Variants in TNKS observed in about 807,000 individuals in gnomAD.
The protein encoded by TNKS is poly [ADP-ribose] polymerase tankyrase-1.
TNKS carries 72 observed loss-of-function variants against 135.8 expected under a neutral mutation model. The observed-to-expected ratio is 0.53, with a 90% CI of 0.44 to 0.64. The LOEUF (loss-of-function observed/expected upper bound fraction) is 0.64. TNKS is among the 30% of genes least tolerant of loss of function. The pLI, the probability that TNKS is intolerant of heterozygous loss-of-function variation, is 0.00. For synonymous variants in TNKS, 849 were observed against 649.3 expected (o/e 1.31, Z -4.68); for missense variants, 1,769 against 1,674.0 (o/e 1.06, Z -0.99).
chr8:9,613,048 CAG>C (rs1164732379), intron 2 of TNKS, among the ~76,000 whole-genome samples: 1 of 152,022 alleles, frequency 6.6e-6, no homozygotes, highest in African/African-American at 2.4e-5. Context: ...CTTGCTGTCT[CAG>C]GGGTGGCAGA....
intron 1 of TNKS, chr8:9,557,726 C>T (rs1460531296): frequency 1.3e-5 from 2 of 152,114 alleles, no homozygotes; most frequent in African/African-American, 4.8e-5. Context: ...TATATCACTT[C>T]TTCAGTTTGT....
rs895115625 is a variant in TNKS at position 9,782,344 on chromosome 8, G to T, written c.*5608G>T. 2 of 152,604 alleles carry T rather than the reference G, an allele frequency of 1.3e-5. No individual in the cohort carries two copies. The highest frequency in any genetic ancestry group is 2.1e-4 in the South Asian group (1 of 4,832). 9.5% of individuals were successfully genotyped at this position (152,604 alleles called of 1,614,324 possible). ...AATATTCAATAAAACCATTTTTAAAGTACACTTGTGTGGATAGCAGTTAGC... is the reference window on the plus strand; with the variant it reads ...AATATTCAATAAAACCATTTTTAAATTACACTTGTGTGGATAGCAGTTAGC... On this transcript the variant is annotated 3_prime_UTR_variant, in exon 27 of 27. Coordinates refer to ENST00000310430, the MANE Select transcript of TNKS (RefSeq NM_003747.3).
intron 5 of TNKS, among the ~76,000 whole-genome samples, chr8:9,693,058 T>C (rs1338854020): frequency 2.6e-5 from 4 of 152,228 alleles, no homozygotes; most frequent in Admixed American, 2.0e-4. Context: ...ATTATGTGTT[T>C]ATTGTATTTT....
At position 9,691,810 on chromosome 8, in the gene TNKS, T is replaced by C. The variant is rs1376834322; in HGVS notation, c.1107+11010T>C. Among the ~76,000 whole-genome samples, 4 of 152,340 alleles carry C rather than the reference T, an allele frequency of 2.6e-5. No homozygotes were observed. The East Asian group carries it at 7.7e-4, about 29-fold the overall frequency. ...GTATATGCTATGTCATTTTATTTTA[T>C]TTAGTCATTGCTTATGTTTTCTATT... On this transcript the variant is annotated intron_variant, in intron 5 of 26. Coordinates refer to ENST00000310430, the MANE Select transcript of TNKS (RefSeq NM_003747.3).
intron 20 of TNKS, among the ~76,000 whole-genome samples, chr8:9,754,220 C>G (rs1455060539): frequency 6.6e-6 from 1 of 152,212 alleles, no homozygotes; most frequent in Non-Finnish European, 1.5e-5. Context: ...TGAGGGCCAC[C>G]ATTCAGCCCA....
At chr8:9,694,798 A>G (rs1467161365) in intron 5 of TNKS, among the ~76,000 whole-genome samples, 1 of 152,150 alleles carries the variant, frequency 6.6e-6, no homozygotes, top group Non-Finnish European at 1.5e-5. Flanking sequence ...CAAAGACAGA[A>G]CAAGAAGAAA....
intron 3 of TNKS, among the ~76,000 whole-genome samples, chr8:9,656,464 G>T (rs187962904): frequency 6.6e-6 from 1 of 152,104 alleles, no homozygotes; most frequent in Non-Finnish European, 1.5e-5. Context: ...TGAAATGAGG[G>T]AAAAAATGTT....
chr8:9,660,384 C>T (rs559075426), intron 3 of TNKS, among the ~76,000 whole-genome samples: 1 of 152,176 alleles, frequency 6.6e-6, no homozygotes, highest in Non-Finnish European at 1.5e-5. Flanking sequence ...AAAAGCTTAT[C>T]CACCATGATC....
At chr8:9,569,846 T>C (rs927685261) in intron 1 of TNKS, among the ~76,000 whole-genome samples, 1 of 152,168 alleles carries the variant, frequency 6.6e-6, no homozygotes, top group African/African-American at 2.4e-5. Context: ...TCATTGTGAA[T>C]ATTTTCCTGG....
chr8:9,742,390 C>A (rs939181101), intron 17 of TNKS, among the ~76,000 whole-genome samples: 5 of 150,644 alleles, frequency 3.3e-5, no homozygotes, highest in African/African-American at 1.2e-4. Flanking sequence ...GGGCAACCCA[C>A]TTCCCTCAGC....
At position 9,730,900 on chromosome 8, in the gene TNKS, GCTCTCAAAATGTGAATTGTAGAGA is replaced by G; in HGVS notation, c.2015_2038del (p.Ser672_Asp679del). On this transcript the variant is annotated inframe_deletion, in exon 14 of 27. Transcript: ENST00000310430. ...TGTGCACCACGAAAGCAACTTTGCA[GCTCTCAAAATGTGAATTGTAGAGA>G]CTTAGAGGGCCGGCATTCCACGCCC... 1 of 1,612,706 alleles carries G rather than the reference GCTCTCAAAATGTGAATTGTAGAGA, an allele frequency of 6.2e-7. No homozygotes were observed.
intron 2 of TNKS, among the ~76,000 whole-genome samples, chr8:9,603,749 G>T (rs1799108691): frequency 6.6e-6 from 1 of 152,206 alleles, no homozygotes; most frequent in Non-Finnish European, 1.5e-5. Flanking sequence ...CTCATTCAGT[G>T]CTGAAGATAC....
At chr8:9,596,768 G>A (rs1170357881) in intron 2 of TNKS, among the ~76,000 whole-genome samples, 2 of 152,136 alleles carry the variant, frequency 1.3e-5, no homozygotes, top group East Asian at 1.9e-4. Flanking sequence ...AGAGATAGAG[G>A]GCACATCTTT....
intron 3 of TNKS, among the ~76,000 whole-genome samples, chr8:9,660,006 C>T (rs962980233): frequency 5.3e-5 from 8 of 152,080 alleles, no homozygotes; most frequent in Non-Finnish European, 1.2e-4. Context: ...ATAAATTCCT[C>T]GACACATACA....
chr8:9,765,642 C>A lies in TNKS; in HGVS notation c.3448-50C>A, dbSNP rs1241241935. The A allele has an allele frequency of 9.6e-6, 14 of 1,456,460 alleles. No individual in the cohort carries two copies. In the South Asian group the frequency reaches 1.3e-4, roughly 13 times the overall value. The allele number at this position is 1,456,460 out of a possible 1,614,324, so 90.2% of individuals were successfully genotyped here. ...GGAAAACATACTTTTCATTTTAAATCATAAATGCACGTTTCACCGATAATG... is the reference window on the plus strand; with the variant it reads ...GGAAAACATACTTTTCATTTTAAATAATAAATGCACGTTTCACCGATAATG... On this transcript the variant is annotated intron_variant, in intron 23 of 26. Coordinates refer to ENST00000310430, the MANE Select transcript of TNKS (RefSeq NM_003747.3).
At chr8:9,759,774 A>C (rs919189875) in intron 20 of TNKS, among the ~76,000 whole-genome samples, 1 of 152,104 alleles carries the variant, frequency 6.6e-6, no homozygotes, top group Non-Finnish European at 1.5e-5. Context: ...GGAGATCGAG[A>C]CCATCCTGGC....
intron 5 of TNKS, among the ~76,000 whole-genome samples, chr8:9,683,170 C>T (rs1460778048): frequency 2.0e-5 from 3 of 151,876 alleles, no homozygotes; most frequent in Non-Finnish European, 4.4e-5. Flanking sequence ...GTACCAGTTG[C>T]AGTAAAGCCA....
intron 1 of TNKS, among the ~76,000 whole-genome samples, chr8:9,563,472 G>T (rs1358304683): frequency 1.3e-5 from 2 of 152,082 alleles, no homozygotes; most frequent in Admixed American, 6.5e-5. Context: ...ATATGTAAAT[G>T]AATGAGTGTG....
chr8:9,619,127 T>A (rs1799764501), intron 3 of TNKS, among the ~76,000 whole-genome samples: 1 of 152,186 alleles, frequency 6.6e-6, no homozygotes, highest in South Asian at 2.1e-4. Context: ...TCACATTCAG[T>A]CTTAGCATCC....
Sources: gnomAD v4.1 joint callset for allele counts (sites outside exome capture counted in the v4.1 genomes callset) on GRCh38, gnomAD v4.1.1 for gene constraint, MANE v1.5 for transcripts, NCBI Gene and HGNC (gene_info 2026-07-23, HGNC 2026-07-21) for gene names.